The following DYM variants were observed in gnomAD, a reference collection of about 807,000 sequenced individuals.
DYM encodes the protein dymeclin.
Under a neutral mutation model 93.1 loss-of-function variants are expected in DYM, and 78 were observed. The observed-to-expected ratio is 0.84, with a 90% CI of 0.70 to 1.01. The LOEUF (loss-of-function observed/expected upper bound fraction) is 1.01, where lower values mean the gene tolerates loss of function less well. DYM is among the 50% of genes least tolerant of loss of function. The pLI, the probability that DYM is intolerant of heterozygous loss-of-function variation, is 0.00. For missense variants in DYM, 789 were observed against 845.0 expected, an observed-to-expected ratio of 0.93 and a Z score of 0.82; for synonymous variants, 321 against 319.7, an observed-to-expected ratio of 1.00 and a Z score of -0.04.
intron 10 of DYM, 70 bp from the exon 11 acceptor site, chr18:49,272,373 A>T (rs976394671): frequency 2.8e-6 from 3 of 1,088,596 alleles, no homozygotes; most frequent in Admixed American, 4.0e-5. Flanking sequence ...AAATCTTTAC[A>T]CTTTCATTTT....
intron 14 of DYM, among the ~76,000 whole-genome samples, chr18:49,203,871 T>TA (rs71165370): frequency 0.12 from 7,465 of 63,400 alleles, 946 homozygotes; most frequent in African/African-American, 0.14. Flanking sequence ...TTTAAAAAAG[T>TA]AAAAAAAAAA....
chr18:49,289,472 CAGG>C (rs1426324190), intron 8 of DYM, among the ~76,000 whole-genome samples: 1 of 139,136 alleles, frequency 7.2e-6, no homozygotes, highest in Non-Finnish European at 1.5e-5. Context: ...GAGGCTGAGG[CAGG>C]AGGACTGCTT....
chr18:49,350,513 C>T (rs985282743), intron 6 of DYM, among the ~76,000 whole-genome samples: 1 of 152,140 alleles, frequency 6.6e-6, no homozygotes, highest in African/African-American at 2.4e-5. Context: ...TGAGACCAGC[C>T]TGGCCAACTT....
intron 15 of DYM, among the ~76,000 whole-genome samples, chr18:49,160,576 CAA>C (rs34811276): frequency 2.2e-5 from 3 of 135,564 alleles, no homozygotes. Flanking sequence ...GACTCTGTCT[CAA>C]AAAAAAAAAA....
chr18:49,242,866 A>T (rs1414860622), intron 13 of DYM, among the ~76,000 whole-genome samples: 4 of 151,962 alleles, frequency 2.6e-5, no homozygotes, highest in East Asian at 1.9e-4. Context: ...CGCCCGGCTA[A>T]TTTTTTTGTA....
chr18:49,282,853 C>T (rs1460193940), intron 9 of DYM, among the ~76,000 whole-genome samples: 4 of 151,946 alleles, frequency 2.6e-5, no homozygotes, highest in Non-Finnish European at 5.9e-5. Flanking sequence ...AAAATATCTA[C>T]AGAAAAAGAT....
chr18:49,258,985 A>AC (rs1047939886), intron 11 of DYM, among the ~76,000 whole-genome samples: 2 of 150,020 alleles, frequency 1.3e-5, no homozygotes, highest in Admixed American at 6.6e-5. Context: ...AAAAAACAAA[A>AC]AAAAAAACAA....
chr18:49,442,318 A>G (rs79785232), intron 1 of DYM, among the ~76,000 whole-genome samples: 13,843 of 152,086 alleles, frequency 0.091, 837 homozygotes, highest in East Asian at 0.3. Context: ...GCCAAGACAA[A>G]AGAATCACTT....
chr18:49,360,744 C>A (rs948856266), intron 6 of DYM, among the ~76,000 whole-genome samples: 2 of 152,194 alleles, frequency 1.3e-5, no homozygotes, highest in African/African-American at 4.8e-5. Context: ...CTTCCCTGAT[C>A]TGACCACATG....
At chr18:49,046,586 A>G (rs1422371208) in intron 17 of DYM, among the ~76,000 whole-genome samples, 1 of 151,908 alleles carries the variant, frequency 6.6e-6, no homozygotes, top group Non-Finnish European at 1.5e-5. Flanking sequence ...TTTTAAAATA[A>G]CATTTACAGT....
chr18:49,270,924 C>T (rs1224880060), intron 11 of DYM, among the ~76,000 whole-genome samples: 3 of 152,076 alleles, frequency 2.0e-5, no homozygotes, highest in Non-Finnish European at 4.4e-5. Context: ...TCCTATAGAA[C>T]CCCTAGCAAG....
chr18:49,360,117 A>G (rs1447180490), intron 6 of DYM, among the ~76,000 whole-genome samples: 1 of 152,172 alleles, frequency 6.6e-6, no homozygotes, highest in Non-Finnish European at 1.5e-5. Flanking sequence ...GAAATGTTTG[A>G]TATATTACAA....
chr18:49,252,084 T>G (rs983584962), intron 13 of DYM, among the ~76,000 whole-genome samples: 1 of 151,170 alleles, frequency 6.6e-6, no homozygotes, highest in Non-Finnish European at 1.5e-5. Flanking sequence ...CATGGTGGCA[T>G]GCACCTACCT....
At chr18:49,049,944 G>C (rs922048563) in intron 17 of DYM, among the ~76,000 whole-genome samples, 1 of 152,182 alleles carries the variant, frequency 6.6e-6, no homozygotes, top group African/African-American at 2.4e-5. Context: ...AAAGAACAAA[G>C]CTGTTTCAGT....
chr18:49,168,363 T>C (rs1273773737), intron 14 of DYM, among the ~76,000 whole-genome samples: 1 of 152,176 alleles, frequency 6.6e-6, no homozygotes, highest in East Asian at 1.9e-4. Flanking sequence ...AAAAATCTGA[T>C]AAAAAGAACA....
chr18:49,368,781 G>A (rs1010636821), intron 5 of DYM: 2 of 152,238 alleles, frequency 1.3e-5, no homozygotes, highest in African/African-American at 4.8e-5. Context: ...GGTTTTGAAG[G>A]TGATTCCAAA....
At chr18:49,169,343 A>T (rs1158855930) in intron 14 of DYM, among the ~76,000 whole-genome samples, 4 of 152,214 alleles carry the variant, frequency 2.6e-5, no homozygotes, top group Non-Finnish European at 4.4e-5. Context: ...CAAATCAGGC[A>T]ATCACAAAGG....
chr18:49,396,069 A>G (rs971447852), intron 2 of DYM, among the ~76,000 whole-genome samples: 5 of 152,112 alleles, frequency 3.3e-5, no homozygotes, highest in African/African-American at 1.2e-4. Flanking sequence ...TGTTCTCTGT[A>G]CACACCAGCT....
intron 2 of DYM, among the ~76,000 whole-genome samples, chr18:49,404,918 CAGG>C (rs1389812678): frequency 6.7e-6 from 1 of 149,716 alleles, no homozygotes; most frequent in Non-Finnish European, 1.5e-5. Context: ...GAGGCTGAAG[CAGG>C]AGAACTGCTT....
Sources: allele counts gnomAD v4.1 joint callset (sites outside exome capture counted in the v4.1 genomes callset), GRCh38; gene constraint gnomAD v4.1.1; transcripts MANE v1.5; gene names NCBI Gene and HGNC (gene_info 2026-07-23, HGNC 2026-07-21).